The following PCDHA2 variants were observed in gnomAD, a reference collection of about 807,000 sequenced individuals.
The protein encoded by PCDHA2 is protocadherin alpha 2, also known as protocadherin alpha-2.
A neutral mutation model predicts 66.0 loss-of-function variants in PCDHA2; 58 were observed. That is an observed-to-expected ratio of 0.88 (90% CI 0.71 to 1.09). The LOEUF (loss-of-function observed/expected upper bound fraction) is 1.09. PCDHA2 is among the 50% of genes least tolerant of loss of function. The probability of loss-of-function intolerance (pLI) is 0.00; values close to 1 mark genes in which losing one functional copy is unlikely to be tolerated. For missense variants in PCDHA2, 1,267 were observed against 1,242.3 expected, an observed-to-expected ratio of 1.02 and a Z score of -0.30; for synonymous variants, 634 against 554.0, an observed-to-expected ratio of 1.14 and a Z score of -2.03.
At chr5:140,917,015 G>A (rs538557329) in intron 1 of PCDHA2, among the ~76,000 whole-genome samples, 1 of 152,240 alleles carries the variant, frequency 6.6e-6, no homozygotes, top group East Asian at 1.9e-4. Flanking sequence ...CTCCCTTCAT[G>A]TGCAGCTGCT....
chr5:140,870,175 G>C (rs2051727190), intron 1 of PCDHA2: 1 of 1,614,012 alleles, frequency 6.2e-7, no homozygotes, highest in South Asian at 1.1e-5. Context: ...GTCCCTCCCA[G>C]TACGAGAGGA....
At chr5:140,808,745 C>G in intron 1 of PCDHA2, 1 of 1,612,126 alleles carries the variant, frequency 6.2e-7, no homozygotes, top group Admixed American at 1.7e-5. Flanking sequence ...GGTGTACGCG[C>G]TGCAGCCGCT....
chr5:140,999,450 A>G (rs2097858332), intron 3 of PCDHA2, among the ~76,000 whole-genome samples: 1 of 152,198 alleles, frequency 6.6e-6, no homozygotes, highest in Admixed American at 6.5e-5. Flanking sequence ...TATTCGTTCA[A>G]CGAATAAGTG....
intron 1 of PCDHA2, chr5:140,858,432 G>A: frequency 6.5e-7 from 1 of 1,546,306 alleles, no homozygotes; most frequent in Admixed American, 1.9e-5. Flanking sequence ...GACCACTCTA[G>A]GAAGGTGGGT....
chr5:140,895,668 T>C (rs2065102216), intron 1 of PCDHA2, among the ~76,000 whole-genome samples: 1 of 152,170 alleles, frequency 6.6e-6, no homozygotes, highest in South Asian at 2.1e-4. Flanking sequence ...TGAGAACATG[T>C]AGTATTTGGT....
At chr5:140,941,198 T>TCTTC (rs202127003) in intron 1 of PCDHA2, among the ~76,000 whole-genome samples, 5 of 119,810 alleles carry the variant, frequency 4.2e-5, no homozygotes, top group Non-Finnish European at 7.0e-5. Flanking sequence ...TTTTTTTCTT[T>TCTTC]CTTCCTTTCT....
intron 1 of PCDHA2, among the ~76,000 whole-genome samples, chr5:140,951,398 A>T (rs1428015395): frequency 6.6e-6 from 1 of 152,100 alleles, no homozygotes; most frequent in Non-Finnish European, 1.5e-5. Flanking sequence ...TTATAAAGAA[A>T]AGAGGTTTAA....
chr5:140,965,976 G>A (rs2095953776), intron 1 of PCDHA2, among the ~76,000 whole-genome samples: 1 of 152,154 alleles, frequency 6.6e-6, no homozygotes, highest in Non-Finnish European at 1.5e-5. Context: ...CCTAGGAGTT[G>A]AGCACTTTCT....
intron 1 of PCDHA2, chr5:140,829,809 C>A: frequency 1.2e-6 from 2 of 1,613,854 alleles, no homozygotes; most frequent in Non-Finnish European, 1.7e-6. Flanking sequence ...GTGGGTGGTA[C>A]TGGTGGTGCA....
chr5:140,809,535 A>C (rs138003823), intron 1 of PCDHA2: 1 of 1,613,920 alleles, frequency 6.2e-7, no homozygotes, highest in Non-Finnish European at 8.5e-7. Flanking sequence ...AGGGACAGAG[A>C]AGATCAGCTG....
At chr5:140,844,128 T>G (rs1265554097) in intron 1 of PCDHA2, among the ~76,000 whole-genome samples, 4 of 149,752 alleles carry the variant, frequency 2.7e-5, no homozygotes, top group South Asian at 2.1e-4. Flanking sequence ...ATGCATGTTT[T>G]AAATATGTTG....
At chr5:140,896,071 A>G (rs551803461) in intron 1 of PCDHA2, among the ~76,000 whole-genome samples, 1 of 152,248 alleles carries the variant, frequency 6.6e-6, no homozygotes, top group African/African-American at 2.4e-5. Context: ...TCGGCCTCCC[A>G]ACATGCTGGG....
At chr5:140,996,699 C>T (rs1462785057) in intron 3 of PCDHA2, among the ~76,000 whole-genome samples, 3 of 152,146 alleles carry the variant, frequency 2.0e-5, no homozygotes, top group Non-Finnish European at 2.9e-5. Flanking sequence ...TTCTGAACCT[C>T]TATCTCTTTG....
At chr5:140,950,579 A>G (rs2094498747) in intron 1 of PCDHA2, among the ~76,000 whole-genome samples, 1 of 151,956 alleles carries the variant, frequency 6.6e-6, no homozygotes, top group African/African-American at 2.4e-5. Flanking sequence ...TTTTCTACTT[A>G]CCTTTGGTTT....
At chr5:140,849,666 C>T (rs2041028520) in intron 1 of PCDHA2, 2 of 1,598,568 alleles carry the variant, frequency 1.3e-6, no homozygotes, top group African/African-American at 1.3e-5. Context: ...CTCCCTGACG[C>T]CCCACGTCCC....
chr5:140,876,585 G>T, intron 1 of PCDHA2: 5 of 1,614,202 alleles, frequency 3.1e-6, no homozygotes, highest in Non-Finnish European at 4.2e-6. Context: ...TCATTGCCCT[G>T]ATTAGCGTGT....
At chr5:140,801,988 T>C in intron 1 of PCDHA2, 2 of 1,614,200 alleles carry the variant, frequency 1.2e-6, no homozygotes, top group Non-Finnish European at 1.7e-6. Flanking sequence ...GTGGTGACCG[T>C]TAACGCCACC....
chr5:140,963,861 G>A (rs2095794580), intron 1 of PCDHA2, among the ~76,000 whole-genome samples: 1 of 152,172 alleles, frequency 6.6e-6, no homozygotes, highest in Admixed American at 6.5e-5. Flanking sequence ...ATAACCGTAT[G>A]AGTTTTGCTT....
At position 140,879,699 on chromosome 5, in the gene PCDHA2, A is replaced by G. The variant is rs952913043; in HGVS notation, c.2388+82347A>G. Among the ~76,000 whole-genome samples the G allele has an allele frequency of 2.6e-5, 4 of 152,218 alleles. No individual in the cohort carries two copies. In the South Asian group the frequency reaches 8.3e-4, roughly 32 times the overall value. The stretch of plus-strand genomic sequence containing the variant: ...TGCTGTAAAACAGCAAAAGTTTATT[A>G]TTTCTCAGTATTGGAGACCAGAAGT... On this transcript the variant is annotated intron_variant, in intron 1 of 3. Coordinates refer to ENST00000526136, the MANE Select transcript of PCDHA2 (RefSeq NM_018905.3).
Sources: gnomAD v4.1 joint callset for allele counts (sites outside exome capture counted in the v4.1 genomes callset) on GRCh38, gnomAD v4.1.1 for gene constraint, MANE v1.5 for transcripts, NCBI Gene and HGNC (gene_info 2026-07-23, HGNC 2026-07-21) for gene names.